DZIP3: variants seen among roughly 807,000 people sequenced by gnomAD.
DZIP3 encodes the protein DAZ interacting zinc finger protein 3.
A neutral mutation model predicts 162.0 loss-of-function variants in DZIP3; 118 were observed. The ratio of observed to expected loss-of-function variants is 0.73; its 90% CI spans 0.63 to 0.85. The LOEUF (loss-of-function observed/expected upper bound fraction) is 0.85, where lower values mean the gene tolerates loss of function less well. Among genes scored for constraint, DZIP3 ranks in the 40% least tolerant of loss-of-function variants. The pLI is 0.00. For synonymous variants in DZIP3, 438 were observed against 458.6 expected (o/e 0.96, Z 0.57); for missense variants, 1,331 against 1,407.0 (o/e 0.95, Z 0.86).
Position 108,646,610 on chromosome 3 carries a change from A to G in DZIP3, c.1760-7A>G, listed in dbSNP as rs79385275. 7.7e-4 allele frequency: 1,221 copies of G among 1,577,056 alleles called. 11 individuals are homozygous for G. The African/African-American group carries it at 0.014, about 18-fold the overall frequency. On this transcript the variant is annotated splice_polypyrimidine_tract_variant and splice_region_variant and intron_variant, in intron 14 of 32. Transcript: ENST00000361582. The stretch of plus-strand genomic sequence containing the variant: ...GTACATCTAAAATTTTTCTTTATGT[A>G]TTATAGGAATTGCTCTACAGTCAAT...
chr3:108,657,143 C>G (rs1212636852), intron 19 of DZIP3, among the ~76,000 whole-genome samples: 1 of 152,098 alleles, frequency 6.6e-6, no homozygotes, highest in Non-Finnish European at 1.5e-5. Flanking sequence ...GAGAACGCCA[C>G]AAAGATACTA....
intron 2 of DZIP3, among the ~76,000 whole-genome samples, chr3:108,607,247 C>T (rs1001774147): frequency 6.6e-6 from 1 of 152,040 alleles, no homozygotes; most frequent in Non-Finnish European, 1.5e-5. Flanking sequence ...TTATCTGTCC[C>T]AATTTACCCC....
intron 23 of DZIP3, 50 bp from the exon 24 acceptor site, chr3:108,674,028 C>A (rs745420785): frequency 7.3e-7 from 1 of 1,365,426 alleles, no homozygotes; most frequent in Non-Finnish European, 1.0e-6. Flanking sequence ...GAGAATGTTC[C>A]TTTACAAGCA....
Position 108,662,135 on chromosome 3 carries a change from C to A in DZIP3, c.2301C>A (p.Phe767Leu), listed in dbSNP as rs80072641. Residue 767 changes from phenylalanine to leucine, a missense_variant, in exon 21 of 33, where the codon TTC (phenylalanine) becomes TTA (leucine). Phe to Leu is a conservative substitution (Grantham distance 22). Around this residue, in one of 2 missense-constraint regions of DZIP3, gnomAD observed 1,278 missense variants for 1,317.1 expected, o/e 0.97. Coordinates refer to ENST00000361582, the MANE Select transcript of DZIP3 (RefSeq NM_014648.4). ...TAATATTTTTTATTGATCAGGATTT[C>A]AAAAGACAGTTGAGAACAGTGACTT... ...LYKLHYQCED[F>L]KRQLRTVTFR... The A allele has an allele frequency of 2.4e-3, 3,771 of 1,589,934 alleles. 86 individuals carry two copies. The African/African-American group carries it at 0.045, about 19-fold the overall frequency.
Position 108,690,124 on chromosome 3 carries a change from C to T in DZIP3, c.3517-663C>T, listed in dbSNP as rs78167256. Among the ~76,000 whole-genome samples the T allele has an allele frequency of 6.9e-3, 1,045 of 152,220 alleles. 5 individuals are homozygous for T. The highest frequency in any genetic ancestry group is 0.024 in the African/African-American group (984 of 41,534). On this transcript the variant is annotated intron_variant, in intron 31 of 32. Transcript: ENST00000361582. ...AACTTATCCTACTCTTTGCCATTGC[C>T]CACAAGTAGAAAGCATATAATTCAT...
At position 108,644,437 on chromosome 3, in the gene DZIP3, C is replaced by T. The variant is rs747195524; in HGVS notation, c.1415C>T (p.Ala472Val). The change falls in exon 14 of 33, where the codon GCT becomes GTT. Residue 472 changes from alanine to valine, a missense_variant. By Grantham distance (64) the Ala-to-Val change is moderately conservative (BLOSUM62 0). This residue lies in a region of DZIP3 where 1,278 missense variants were observed against 1,317.1 expected (regional missense o/e 0.97). Transcript: ENST00000361582. ...CAGTTTGACTTATGCCTCCTGTTAG[C>T]TCTTATAAAACATTTAAATGTGTTC... Reference protein sequence around the residue: ...SKQFDLCLLLALIKHLNVFPA... With the variant: ...SKQFDLCLLLVLIKHLNVFPA... The T allele has an allele frequency of 2.5e-6, 4 of 1,614,034 alleles. No individual in the cohort carries two copies. The highest frequency in any genetic ancestry group is 3.4e-6 in the Non-Finnish European group (4 of 1,179,980).
chr3:108,613,420 T>A (rs1439477170), intron 4 of DZIP3, among the ~76,000 whole-genome samples: 1 of 152,182 alleles, frequency 6.6e-6, no homozygotes, highest in Non-Finnish European at 1.5e-5. Flanking sequence ...AAAGATTGTG[T>A]TACTTGTTCT....
At chr3:108,635,523 A>C (rs1297830368) in intron 10 of DZIP3, 2 of 150,546 alleles carry the variant, frequency 1.3e-5, no homozygotes, top group Non-Finnish European at 2.9e-5. Context: ...TATACATTAT[A>C]TATAATAGTT....
At position 108,676,255 on chromosome 3, in the gene DZIP3, G is replaced by A. The variant is rs1051511526; in HGVS notation, c.2781+382G>A. ...CTTGAGCCAGGTGCTCACGGTTATG[G>A]TGAGTTATGATCATGCCACTGTACT... On this transcript the variant is annotated intron_variant, in intron 25 of 32. Coordinates refer to ENST00000361582, the MANE Select transcript of DZIP3 (RefSeq NM_014648.4). Among the ~76,000 whole-genome samples, 6 of 152,054 alleles carry A rather than the reference G, an allele frequency of 3.9e-5. No homozygotes were observed. In the South Asian group the frequency reaches 8.3e-4, roughly 21 times the overall value.
intron 19 of DZIP3, among the ~76,000 whole-genome samples, chr3:108,659,785 CAA>C (rs1943333288): frequency 6.6e-6 from 1 of 152,206 alleles, no homozygotes; most frequent in South Asian, 2.1e-4. Context: ...GCAACTTCAG[CAA>C]AGTCTCAGGA....
chr3:108,672,568 G>C lies in DZIP3; in HGVS notation c.2501G>C (p.Trp834Ser). 6.2e-7 allele frequency: 1 copy of C among 1,611,262 alleles called. No homozygotes were observed. The highest frequency in any genetic ancestry group is 8.5e-7 in the Non-Finnish European group (1 of 1,178,182). ...KEQLSMKRSQWEMEKHNLEST... is the reference protein window; with the variant it reads ...KEQLSMKRSQSEMEKHNLEST... ...ATGATCATGTATTTCAGATCTCAGTGGGAAATGGAAAAACATAATCTGGAA... is the reference window on the plus strand; with the variant it reads ...ATGATCATGTATTTCAGATCTCAGTCGGAAATGGAAAAACATAATCTGGAA... The change falls in exon 23 of 33, where the codon TGG becomes TCG. Residue 834 changes from tryptophan (W) to serine (S), a missense_variant. By Grantham distance (177) the Trp-to-Ser change is radical. Transcript: ENST00000361582.
At chr3:108,621,631 A>G (rs967062010) in intron 5 of DZIP3, among the ~76,000 whole-genome samples, 1 of 152,190 alleles carries the variant, frequency 6.6e-6, no homozygotes, top group Admixed American at 6.5e-5. Context: ...GGATGTGGAG[A>G]AAAGAGAACC....
chr3:108,613,875 T>G (rs1424156025), intron 4 of DZIP3, among the ~76,000 whole-genome samples: 1 of 152,210 alleles, frequency 6.6e-6, no homozygotes, highest in Non-Finnish European at 1.5e-5. Context: ...GATATATACC[T>G]CTAATCTAGG....
chr3:108,660,389 A>G (rs576876337), intron 19 of DZIP3, among the ~76,000 whole-genome samples: 2 of 152,360 alleles, frequency 1.3e-5, no homozygotes, highest in Admixed American at 6.5e-5. Context: ...AAATTGGGAA[A>G]GGATTCCCTA....
At chr3:108,670,271 AG>A (rs1943878576) in intron 22 of DZIP3, among the ~76,000 whole-genome samples, 2 of 151,940 alleles carry the variant, frequency 1.3e-5, no homozygotes, top group Non-Finnish European at 2.9e-5. Context: ...ACTCCAAAAA[AG>A]AAACCCATTA....
At chr3:108,687,537 C>T (rs560375646) in intron 28 of DZIP3, among the ~76,000 whole-genome samples, 7 of 151,900 alleles carry the variant, frequency 4.6e-5, no homozygotes, top group East Asian at 3.9e-4. Flanking sequence ...CTGAGTTTTA[C>T]GAAAGTACAA....
intron 27 of DZIP3, among the ~76,000 whole-genome samples, chr3:108,684,824 G>A (rs1001620414): frequency 6.6e-6 from 1 of 152,004 alleles, no homozygotes; most frequent in Non-Finnish European, 1.5e-5. Flanking sequence ...AACATAAACT[G>A]TAAAGTTATA....
intron 13 of DZIP3, among the ~76,000 whole-genome samples, 156 bp from the exon 14 acceptor site, chr3:108,644,008 A>G (rs1039659568): frequency 1.3e-5 from 2 of 152,196 alleles, no homozygotes; most frequent in African/African-American, 2.4e-5. Context: ...AGAAAGCAGC[A>G]TGCTAATTGA....
At chr3:108,677,330 T>G (rs567065308) in intron 25 of DZIP3, among the ~76,000 whole-genome samples, 167 bp from the exon 26 acceptor site, 1 of 136,446 alleles carries the variant, frequency 7.3e-6, no homozygotes, top group African/African-American at 2.8e-5. Flanking sequence ...GGGGATGGTC[T>G]ATAGAATTTT....
Sources: allele counts gnomAD v4.1 joint callset (sites outside exome capture counted in the v4.1 genomes callset), GRCh38; gene constraint gnomAD v4.1.1; regional missense constraint gnomAD v4.1.1; transcripts MANE v1.5; gene names NCBI Gene and HGNC (gene_info 2026-07-23, HGNC 2026-07-21).